DOCK3: variants seen among roughly 807,000 people sequenced by gnomAD.
DOCK3 encodes the protein dedicator of cytokinesis 3.
A neutral mutation model predicts 265.6 loss-of-function variants in DOCK3; 60 were observed. The ratio of observed to expected loss-of-function variants is 0.23; its 90% CI spans 0.18 to 0.28. The LOEUF is 0.28. Among genes scored for constraint, DOCK3 ranks in the 10% least tolerant of loss-of-function variants. The pLI, the probability that DOCK3 is intolerant of heterozygous loss-of-function variation, is 1.00. For missense variants in DOCK3, 1,981 were observed against 2,594.3 expected, an observed-to-expected ratio of 0.76 and a Z score of 5.14; for synonymous variants, 881 against 938.0, an observed-to-expected ratio of 0.94 and a Z score of 1.11.
chr3:50,729,717 C>T (rs1446242608), intron 1 of DOCK3, among the ~76,000 whole-genome samples: 2 of 151,814 alleles, frequency 1.3e-5, no homozygotes, highest in Non-Finnish European at 2.9e-5. Flanking sequence ...GATGGGATCT[C>T]GCCATGTTGT....
At chr3:51,338,881 C>T in intron 36 of DOCK3, 54 bp from the exon 37 acceptor site, 1 of 1,479,212 alleles carries the variant, frequency 6.8e-7, no homozygotes, top group South Asian at 1.2e-5. Flanking sequence ...CTGCCCAGAG[C>T]TTGGCTATGG....
chr3:51,102,333 A>T (rs1477552192), intron 9 of DOCK3, among the ~76,000 whole-genome samples: 1 of 152,242 alleles, frequency 6.6e-6, no homozygotes, highest in Non-Finnish European at 1.5e-5. Context: ...TAAAAACTGG[A>T]TATTTTAATC....
chr3:51,220,483 C>G (rs998743175), intron 14 of DOCK3, among the ~76,000 whole-genome samples: 4 of 151,474 alleles, frequency 2.6e-5, no homozygotes, highest in African/African-American at 9.7e-5. Context: ...ATGGTGAAAC[C>G]CCATCTCTAC....
At chr3:50,959,011 G>T (rs1249762408) in intron 5 of DOCK3, among the ~76,000 whole-genome samples, 3 of 152,140 alleles carry the variant, frequency 2.0e-5, no homozygotes, top group Non-Finnish European at 4.4e-5. Context: ...ACCACATCCA[G>T]CTTTAGAATA....
At chr3:51,024,431 C>T (rs916037048) in intron 5 of DOCK3, among the ~76,000 whole-genome samples, 8 of 152,146 alleles carry the variant, frequency 5.3e-5, no homozygotes, top group Middle Eastern at 3.4e-3. Context: ...GATGTAATAC[C>T]CAATGGTGGG....
chr3:51,070,273 A>G (rs1431214167), intron 6 of DOCK3, among the ~76,000 whole-genome samples: 1 of 152,242 alleles, frequency 6.6e-6, no homozygotes, highest in East Asian at 1.9e-4. Context: ...ATCATCTTTC[A>G]AACAGTTATG....
chr3:51,092,163 T>G (rs4434173), intron 9 of DOCK3, among the ~76,000 whole-genome samples: 115,436 of 152,012 alleles, frequency 0.76, 44,848 homozygotes, highest in Middle Eastern at 0.88. Flanking sequence ...GATACAGAAC[T>G]GTTCACTCCT....
chr3:51,351,280 G>C (rs2085958307), intron 40 of DOCK3, among the ~76,000 whole-genome samples: 1 of 152,204 alleles, frequency 6.6e-6, no homozygotes, highest in African/African-American at 2.4e-5. Context: ...CTGTCCACAA[G>C]CCTCAGCAAG....
intron 31 of DOCK3, 49 bp from the exon 32 acceptor site, chr3:51,314,931 C>T (rs2109644534): frequency 2.0e-6 from 3 of 1,536,614 alleles, no homozygotes; most frequent in Admixed American, 1.9e-5. Flanking sequence ...GGGAATCTTC[C>T]ATGGAAGGAG....
At chr3:51,306,085 C>G (rs917692795) in intron 27 of DOCK3, among the ~76,000 whole-genome samples, 8 of 149,922 alleles carry the variant, frequency 5.3e-5, no homozygotes, top group Non-Finnish European at 8.9e-5. Context: ...AGGCTAGTAT[C>G]AAGTTCCTGG....
chr3:51,375,649 C>T, intron 50 of DOCK3, 99 bp from the exon 51 acceptor site: 1 of 1,353,784 alleles, frequency 7.4e-7, no homozygotes, highest in East Asian at 2.3e-5. Flanking sequence ...TTTTCCCCGT[C>T]TGATCTTGTA....
At chr3:50,962,318 A>G (rs1483203668) in intron 5 of DOCK3, among the ~76,000 whole-genome samples, 1 of 152,152 alleles carries the variant, frequency 6.6e-6, no homozygotes, top group Non-Finnish European at 1.5e-5. Flanking sequence ...ATTGAAGTGA[A>G]AGTTCCTCTT....
chr3:51,373,867 G>A (rs975354678), intron 49 of DOCK3, among the ~76,000 whole-genome samples: 2 of 152,218 alleles, frequency 1.3e-5, no homozygotes, highest in Admixed American at 6.5e-5. Flanking sequence ...CTCTAGGGCT[G>A]CAGTAGGACT....
At chr3:51,132,209 C>T (rs919438663) in intron 9 of DOCK3, among the ~76,000 whole-genome samples, 1 of 152,168 alleles carries the variant, frequency 6.6e-6, no homozygotes, top group African/African-American at 2.4e-5. Context: ...TTAGTGGGCC[C>T]AAATCAATAA....
chr3:51,104,510 C>T lies in DOCK3; in HGVS notation c.746+14126C>T, dbSNP rs144086639. On this transcript the variant is annotated intron_variant, in intron 9 of 52. Transcript: ENST00000266037. ...GGCAAAAACAAGACCAGTTGGGAGACTTAATATAATAATATCAGGAGAGAT... is the reference window on the plus strand; with the variant it reads ...GGCAAAAACAAGACCAGTTGGGAGATTTAATATAATAATATCAGGAGAGAT... 4.8e-3 allele frequency among the ~76,000 whole-genome samples: 729 copies of T among 152,190 alleles called. 4 individuals are homozygous for T. Among genetic ancestry groups the T allele is most frequent in the Non-Finnish European group, 7.6e-3 (518 of 68,020 alleles).
intron 5 of DOCK3, among the ~76,000 whole-genome samples, chr3:50,968,630 A>G (rs983667034): frequency 6.6e-6 from 1 of 151,396 alleles, no homozygotes; most frequent in Admixed American, 6.6e-5. Context: ...GCTCACTGCA[A>G]CCTCCACCTC....
intron 2 of DOCK3, among the ~76,000 whole-genome samples, chr3:50,832,150 G>A (rs2045216223): frequency 6.6e-6 from 1 of 152,166 alleles, no homozygotes; most frequent in African/African-American, 2.4e-5. Flanking sequence ...GGGAAAACTG[G>A]CTAGCCATAT....
intron 5 of DOCK3, among the ~76,000 whole-genome samples, chr3:51,063,478 T>C (rs2081490949): frequency 6.6e-6 from 1 of 152,242 alleles, no homozygotes; most frequent in Non-Finnish European, 1.5e-5. Context: ...TGATTTGCTG[T>C]ATAGCTAATT....
At chr3:50,719,000 G>A (rs2037306078) in intron 1 of DOCK3, among the ~76,000 whole-genome samples, 1 of 151,724 alleles carries the variant, frequency 6.6e-6, no homozygotes, top group East Asian at 1.9e-4. Context: ...TAGCCAGGAT[G>A]GTCTCAATCT....
Sources: allele counts gnomAD v4.1 joint callset (sites outside exome capture counted in the v4.1 genomes callset), GRCh38; gene constraint gnomAD v4.1.1; transcripts MANE v1.5; gene names NCBI Gene and HGNC (gene_info 2026-07-23, HGNC 2026-07-21).